PTPDC1: variants seen among roughly 807,000 people sequenced by gnomAD.
PTPDC1 encodes protein tyrosine phosphatase domain-containing protein 1.
In PTPDC1, 53 loss-of-function variants were observed where a neutral mutation model predicts 75.3. That is an observed-to-expected ratio of 0.70 (90% CI 0.56 to 0.88). The LOEUF (loss-of-function observed/expected upper bound fraction) is 0.88. PTPDC1 is among the 40% of genes least tolerant of loss of function. The pLI, the probability that PTPDC1 is intolerant of heterozygous loss-of-function variation, is 0.00. For missense variants in PTPDC1, 925 were observed against 998.6 expected (o/e 0.93, Z 0.99); for synonymous variants, 349 against 366.2 (o/e 0.95, Z 0.54).
intron 1 of PTPDC1, among the ~76,000 whole-genome samples, chr9:94,035,926 A>AAAC (rs1405908004): frequency 6.6e-6 from 1 of 150,682 alleles, no homozygotes; most frequent in East Asian, 2.0e-4. Flanking sequence ...ATGATTAGTG[A>AAAC]TGTTGAGCAC....
intron 1 of PTPDC1, among the ~76,000 whole-genome samples, chr9:94,050,745 G>C (rs12551742): frequency 6.6e-6 from 1 of 152,212 alleles, no homozygotes; most frequent in Non-Finnish European, 1.5e-5. Flanking sequence ...AAAGCTGTCA[G>C]ACAGGGATAT....
chr9:94,089,358 T>G (rs1827204812), intron 4 of PTPDC1, among the ~76,000 whole-genome samples: 1 of 150,262 alleles, frequency 6.7e-6, no homozygotes, highest in Non-Finnish European at 1.5e-5. Flanking sequence ...GATAGTTTAC[T>G]GAGAATGATG....
At chr9:94,078,215 C>A (rs1164262008) in intron 2 of PTPDC1, among the ~76,000 whole-genome samples, 1 of 152,184 alleles carries the variant, frequency 6.6e-6, no homozygotes, top group African/African-American at 2.4e-5. Flanking sequence ...GCAACAAATT[C>A]TCTGCTTTTT....
intron 8 of PTPDC1, 73 bp from the exon 9 acceptor site, chr9:94,107,747 TCCACCCCC>T: frequency 1.5e-6 from 1 of 655,136 alleles, no homozygotes; most frequent in Non-Finnish European, 2.5e-6. Context: ...GTTTTTTTTC[TCCACCCCC>T]TCCTTCTCTC....
intron 1 of PTPDC1, among the ~76,000 whole-genome samples, chr9:94,045,781 C>G (rs907771356): frequency 6.6e-6 from 1 of 151,396 alleles, no homozygotes; most frequent in Non-Finnish European, 1.5e-5. Flanking sequence ...AAATTTTCTC[C>G]CATTCTGTAG....
chr9:94,053,643 A>G (rs1825849803), intron 1 of PTPDC1, among the ~76,000 whole-genome samples: 1 of 152,182 alleles, frequency 6.6e-6, no homozygotes, highest in Non-Finnish European at 1.5e-5. Flanking sequence ...CCTAAAGGAG[A>G]GAAAATTGGG....
chr9:94,048,306 A>G (rs1275298381), intron 1 of PTPDC1, among the ~76,000 whole-genome samples: 2 of 152,046 alleles, frequency 1.3e-5, no homozygotes, highest in Admixed American at 1.3e-4. Flanking sequence ...TAGGGTGTCA[A>G]TTTTAGATCC....
rs141848700 is a variant in PTPDC1, at chr9:94,098,410, T to A, written c.1844T>A (p.Val615Asp). The A allele has an allele frequency of 6.6e-5, 106 of 1,614,030 alleles. No homozygotes were observed. In the African/African-American group the frequency reaches 7.6e-4, roughly 12 times the overall value. Residue 615 changes from valine (V) to aspartate (D), a missense_variant, in exon 6 of 9, where the codon GTT becomes GAT. By Grantham distance (152) the Val-to-Asp change is radical. Coordinates refer to ENST00000620992, the MANE Select transcript of PTPDC1 (RefSeq NM_001253829.2). The stretch of plus-strand genomic sequence containing the variant: ...TCCAGTCCCAAAGCACAGTTCTTGG[T>A]TGAACATGAAACCCAGGACAGTAAA... ...CGSSPKAQFL[V>D]EHETQDSKDL...
At chr9:94,066,128 A>G (rs1435659954) in intron 2 of PTPDC1, among the ~76,000 whole-genome samples, 2 of 152,170 alleles carry the variant, frequency 1.3e-5, no homozygotes, top group African/African-American at 4.8e-5. Flanking sequence ...ATCCAGTAGC[A>G]TCCCCAGGTT....
In PTPDC1 at chr9:94,107,470, G is replaced by A. The variant is rs373428583; in HGVS notation, c.2311-358G>A. On this transcript the variant is annotated intron_variant, in intron 8 of 8. Transcript: ENST00000620992. ...TGGCCGTAGGGCCTCTCAGCAGGAC[G>A]TATACAGCTGATGTGCTGTTTTAAT... Among the ~76,000 whole-genome samples the A allele has an allele frequency of 5.3e-5, 8 of 152,318 alleles. No individual in the cohort carries two copies. In the South Asian group the frequency reaches 8.3e-4, roughly 16 times the overall value.
At position 94,108,886 on chromosome 9, in the gene PTPDC1, G is replaced by A. The variant is rs1186815987; in HGVS notation, c.*942G>A. 1 of 152,444 alleles carries A rather than the reference G, an allele frequency of 6.6e-6. No homozygotes were observed. The highest frequency in any genetic ancestry group is 6.5e-5 in the Admixed American group (1 of 15,284). The allele number at this position is 152,444 out of a possible 1,614,324, so 9.4% of individuals were successfully genotyped here. A position where few individuals can be genotyped will look rare whatever the true frequency, so the allele number is the denominator to read the frequency against. On this transcript the variant is annotated 3_prime_UTR_variant, in exon 9 of 9. Coordinates refer to ENST00000620992, the MANE Select transcript of PTPDC1 (RefSeq NM_001253829.2). ...TCTCAGATGCCACAGCCACTCTGCA[G>A]AGGTGACTCTTGGAGCTGGAGGAAG...
chr9:94,102,178 C>T (rs1827864583), intron 7 of PTPDC1, among the ~76,000 whole-genome samples: 2 of 152,024 alleles, frequency 1.3e-5, no homozygotes, highest in African/African-American at 4.8e-5. Flanking sequence ...AGCACTGTTT[C>T]ACTGTTGGTT....
intron 2 of PTPDC1, among the ~76,000 whole-genome samples, chr9:94,076,191 G>T (rs1826679679): frequency 6.6e-6 from 1 of 152,104 alleles, no homozygotes; most frequent in African/African-American, 2.4e-5. Flanking sequence ...ATGGAGACAG[G>T]GTTTCACCAT....
intron 2 of PTPDC1, among the ~76,000 whole-genome samples, chr9:94,066,442 T>TG (rs985905270): frequency 9.2e-5 from 14 of 152,158 alleles, no homozygotes; most frequent in Admixed American, 1.3e-4. Flanking sequence ...AAAATTTAAT[T>TG]GGGGGGATAC....
chr9:94,079,931 G>A (rs1185277703), upstream of PTPDC1, among the ~76,000 whole-genome samples: 3 of 152,230 alleles, frequency 2.0e-5, no homozygotes, highest in African/African-American at 7.2e-5. Context: ...CAGCCAGGGT[G>A]AGGAGGAAAT....
intron 2 of PTPDC1, among the ~76,000 whole-genome samples, chr9:94,072,004 G>GT (rs961502809): frequency 2.0e-5 from 3 of 151,872 alleles, no homozygotes; most frequent in African/African-American, 7.3e-5. Context: ...TGGTATTGTG[G>GT]TTTTTTTGTT....
intron 4 of PTPDC1, among the ~76,000 whole-genome samples, chr9:94,089,697 A>G (rs1827223734): frequency 4.8e-5 from 6 of 124,812 alleles, no homozygotes; most frequent in Non-Finnish European, 8.3e-5. Context: ...TCCCACCAAC[A>G]GTGTAAAAGT....
intron 2 of PTPDC1, among the ~76,000 whole-genome samples, chr9:94,073,622 A>C (rs950431998): frequency 6.6e-6 from 1 of 152,034 alleles, no homozygotes; most frequent in Non-Finnish European, 1.5e-5. Context: ...TTATCTGTCC[A>C]ATGCTTGTTT....
rs544022040 is a variant in PTPDC1, at chr9:94,104,943, C to T, written c.2310+558C>T. Among the ~76,000 whole-genome samples the T allele has an allele frequency of 4.5e-4, 69 of 152,280 alleles. No individual in the cohort carries two copies. In the South Asian group the frequency reaches 0.014, roughly 30 times the overall value. On this transcript the variant is annotated intron_variant, in intron 8 of 8. Coordinates refer to ENST00000620992, the MANE Select transcript of PTPDC1 (RefSeq NM_001253829.2). ...TACTGAGAGAAAAGTTTCCCCTTAC[C>T]CCATCAGCTATAATTTGTTTATTAC...
Sources: allele counts gnomAD v4.1 joint callset (sites outside exome capture counted in the v4.1 genomes callset), GRCh38; gene constraint gnomAD v4.1.1; transcripts MANE v1.5; gene names NCBI Gene and HGNC (gene_info 2026-07-23, HGNC 2026-07-21).